The following PDE4D variants were observed in gnomAD, a reference collection of about 807,000 sequenced individuals.
PDE4D encodes 3',5'-cyclic-AMP phosphodiesterase 4D.
Under a neutral mutation model 87.4 loss-of-function variants are expected in PDE4D, and 24 were observed. That is an observed-to-expected ratio of 0.27 (90% CI 0.20 to 0.39). The LOEUF (loss-of-function observed/expected upper bound fraction) is 0.39, where lower values mean the gene tolerates loss of function less well. Ranked by LOEUF, PDE4D falls within the 10% of genes least tolerant of loss-of-function variation. PDE4D has a pLI of 1.00. For missense variants in PDE4D, 714 were observed against 1,041.0 expected (o/e 0.69, Z 4.32); for synonymous variants, 384 against 383.2 (o/e 1.00, Z -0.02).
At chr5:59,791,953 C>T (rs906078044) in intron 1 of PDE4D, among the ~76,000 whole-genome samples, 6 of 152,134 alleles carry the variant, frequency 3.9e-5, no homozygotes, top group African/African-American at 1.2e-4. Context: ...TCTGACTACA[C>T]AAAAATAATG....
chr5:59,425,867 TG>T (rs910353865), intron 1 of PDE4D, among the ~76,000 whole-genome samples: 2 of 152,216 alleles, frequency 1.3e-5, no homozygotes, highest in African/African-American at 4.8e-5. Flanking sequence ...AATCATTTCA[TG>T]AGCACAATTT....
chr5:59,213,063 T>C (rs1750422196), intron 2 of PDE4D, among the ~76,000 whole-genome samples: 1 of 151,132 alleles, frequency 6.6e-6, no homozygotes, highest in South Asian at 2.1e-4. Flanking sequence ...TCTTAACATT[T>C]TACTCCTCCA....
intron 1 of PDE4D, chr5:59,587,152 C>T (rs904003312): frequency 4.0e-5 from 11 of 276,430 alleles, no homozygotes; most frequent in African/African-American, 6.9e-5. Flanking sequence ...CATAATAAGG[C>T]TGGCTGTTCT....
At chr5:59,598,568 T>C (rs1198787504) in intron 1 of PDE4D, among the ~76,000 whole-genome samples, 1 of 152,156 alleles carries the variant, frequency 6.6e-6, no homozygotes, top group African/African-American at 2.4e-5. Context: ...CCATTTGAGA[T>C]GAGGCTGCTG....
chr5:58,986,992 T>G (rs1220967538), intron 11 of PDE4D, among the ~76,000 whole-genome samples: 3 of 152,008 alleles, frequency 2.0e-5, no homozygotes, highest in African/African-American at 7.2e-5. Context: ...ACACAAAAAT[T>G]TTATGTAAAA....
chr5:59,966,292 T>C (rs1185373110), intron 3 of PDE4D, among the ~76,000 whole-genome samples: 2 of 152,204 alleles, frequency 1.3e-5, no homozygotes, highest in Admixed American at 6.6e-5. Context: ...GAAAGTATAT[T>C]AGAGCTTTTC....
chr5:58,989,916 G>A lies in PDE4D; in HGVS notation c.1291C>T (p.Arg431Trp), dbSNP rs1278470168. The change falls in exon 10 of 15, where the codon CGG (arginine) becomes TGG (tryptophan). Residue 431 changes from arginine to tryptophan, a missense_variant. Arg to Trp is a moderately radical substitution (Grantham distance 101). This residue lies in a region of PDE4D where 141 missense variants were observed against 204.3 expected (regional missense o/e 0.69). Coordinates refer to ENST00000340635, the MANE Select transcript of PDE4D (RefSeq NM_001104631.2). ...ATTTTAAATGTTTTTAATAAATCCC[G>A]TTCCTGTAGGAAAAAAAATCATCTT... ...TVIMHTIFQE[R>W]DLLKTFKIPV... 8 of 1,498,434 alleles carry A rather than the reference G, an allele frequency of 5.3e-6. No homozygotes were observed. Among genetic ancestry groups the A allele is most frequent in the African/African-American group, 1.4e-5 (1 of 71,214 alleles). The allele number at this position is 1,498,434 out of a possible 1,614,324, so 92.8% of individuals were successfully genotyped here. A position where few individuals can be genotyped will look rare whatever the true frequency, so the allele number is the denominator to read the frequency against.
chr5:59,258,190 G>A (rs1280633353), intron 1 of PDE4D, among the ~76,000 whole-genome samples: 1 of 151,708 alleles, frequency 6.6e-6, no homozygotes, highest in East Asian at 1.9e-4. Context: ...TGTTTGACTG[G>A]TTCTTTCAGT....
intron 1 of PDE4D, among the ~76,000 whole-genome samples, chr5:59,650,608 C>T (rs1743288604): frequency 6.6e-6 from 1 of 152,106 alleles, no homozygotes; most frequent in Admixed American, 6.5e-5. Flanking sequence ...TTAAGTGACA[C>T]TTCCAAGTCT....
At chr5:59,440,623 A>G (rs1413831079) in intron 1 of PDE4D, among the ~76,000 whole-genome samples, 5 of 152,314 alleles carry the variant, frequency 3.3e-5, no homozygotes, top group Middle Eastern at 6.8e-3. Flanking sequence ...CTGAAAATAC[A>G]AAATTAGCTG....
chr5:59,431,210 G>T (rs1796065349), intron 1 of PDE4D, among the ~76,000 whole-genome samples: 1 of 152,038 alleles, frequency 6.6e-6, no homozygotes, highest in African/African-American at 2.4e-5. Flanking sequence ...TTTGTAAGCT[G>T]TTTTTTCATA....
At chr5:60,322,871 T>C (rs1328123913) in intron 1 of PDE4D, among the ~76,000 whole-genome samples, 2 of 152,254 alleles carry the variant, frequency 1.3e-5, no homozygotes, top group Admixed American at 1.3e-4. Flanking sequence ...TAGCTTTCGC[T>C]AAAGTTGCCA....
intron 4 of PDE4D, among the ~76,000 whole-genome samples, chr5:59,184,817 G>A (rs370195076): frequency 5.3e-5 from 8 of 152,146 alleles, no homozygotes; most frequent in African/African-American, 1.7e-4. Flanking sequence ...CCAAATCATC[G>A]TTGTCTTGAG....
chr5:60,418,931 A>C (rs1742856441), intron 1 of PDE4D, among the ~76,000 whole-genome samples: 1 of 152,176 alleles, frequency 6.6e-6, no homozygotes, highest in Admixed American at 6.5e-5. Context: ...TAAAAGATTA[A>C]GATAAACATA....
chr5:59,749,597 C>T (rs893895256), intron 1 of PDE4D, among the ~76,000 whole-genome samples: 1 of 152,088 alleles, frequency 6.6e-6, no homozygotes, highest in Non-Finnish European at 1.5e-5. Context: ...CCAGATATCA[C>T]TCTCAATTTT....
chr5:59,699,372 G>C (rs2150443236), intron 1 of PDE4D, among the ~76,000 whole-genome samples: 1 of 152,176 alleles, frequency 6.6e-6, no homozygotes, highest in Non-Finnish European at 1.5e-5. Flanking sequence ...AATAAAAAGA[G>C]TTAGCTCTCT....
chr5:59,242,988 T>C (rs1757980510), intron 1 of PDE4D, among the ~76,000 whole-genome samples: 2 of 152,098 alleles, frequency 1.3e-5, no homozygotes, highest in Admixed American at 1.3e-4. Flanking sequence ...GGGATGAAGA[T>C]CAGGACTCTA....
At chr5:59,635,756 T>C (rs908462821) in intron 1 of PDE4D, among the ~76,000 whole-genome samples, 3 of 152,176 alleles carry the variant, frequency 2.0e-5, no homozygotes, top group Admixed American at 1.3e-4. Flanking sequence ...GAGCTATTTA[T>C]GACAAACCCA....
At chr5:60,034,023 T>C (rs1056635423) in intron 2 of PDE4D, among the ~76,000 whole-genome samples, 1 of 152,230 alleles carries the variant, frequency 6.6e-6, no homozygotes, top group African/African-American at 2.4e-5. Context: ...TAGCAAACTA[T>C]ATCTGAGATG....
Sources: gnomAD v4.1 joint callset for allele counts (sites outside exome capture counted in the v4.1 genomes callset) on GRCh38, gnomAD v4.1.1 for gene constraint, gnomAD v4.1.1 regional missense constraint, MANE v1.5 for transcripts, NCBI Gene and HGNC (gene_info 2026-07-23, HGNC 2026-07-21) for gene names.